Variants in RCC1L observed in about 807,000 individuals in gnomAD.
RCC1L encodes the protein RCC1 like, also known as RCC1-like G exchanging factor-like protein.
In RCC1L, 46 loss-of-function variants were observed where a neutral mutation model predicts 58.6. That is an observed-to-expected ratio of 0.79 (90% confidence interval 0.62 to 1.00). RCC1L has a LOEUF of 1.00. Among genes scored for constraint, RCC1L ranks in the 50% least tolerant of loss-of-function variants. The pLI, the probability that RCC1L is intolerant of heterozygous loss-of-function variation, is 0.00. For missense variants in RCC1L, 636 were observed against 623.6 expected (o/e 1.02, Z -0.21); for synonymous variants, 281 against 262.9 (o/e 1.07, Z -0.67).
chr7:75,043,206 G>A, intron 10 of RCC1L, 97 bp from the exon 11 acceptor site: 4 of 1,341,744 alleles, frequency 3.0e-6, no homozygotes, highest in Admixed American at 1.8e-5. Flanking sequence ...CTCAGTAGGA[G>A]ACTCAGTAGG....
Position 75,042,846 on chromosome 7 carries a change from G to A in RCC1L, c.*186C>T. 1 of 1,450,932 alleles carries A rather than the reference G, an allele frequency of 6.9e-7. No individual in the cohort carries two copies. The highest frequency in any genetic ancestry group is 9.1e-7 in the Non-Finnish European group (1 of 1,098,150). The allele number at this position is 1,450,932 out of a possible 1,614,324, so 89.9% of individuals were successfully genotyped here. A position where few individuals can be genotyped will look rare whatever the true frequency, so the allele number is the denominator to read the frequency against. ...GTTCCGCAGGCCTCACCTGCAGCTGGAGAGGGACCTTGCCCTGATCCTCCT... is the reference window on the plus strand; with the variant it reads ...GTTCCGCAGGCCTCACCTGCAGCTGAAGAGGGACCTTGCCCTGATCCTCCT... On this transcript the variant is annotated 3_prime_UTR_variant, in exon 11 of 11. Coordinates refer to ENST00000610322, the MANE Select transcript of RCC1L (RefSeq NM_030798.5).
At chr7:75,058,380 CA>C (rs1554444192) in intron 7 of RCC1L, among the ~76,000 whole-genome samples, 1 of 151,726 alleles carries the variant, frequency 6.6e-6, no homozygotes, top group East Asian at 2.0e-4. Context: ...AGGCATGCAC[CA>C]CCACACCTGG....
At chr7:75,059,325 C>T (rs1172369262) in intron 6 of RCC1L, among the ~76,000 whole-genome samples, 2 of 149,416 alleles carry the variant, frequency 1.3e-5, no homozygotes, top group Non-Finnish European at 3.0e-5. Flanking sequence ...CGCAGTGGTG[C>T]GATCTCGGCT....
At chr7:75,069,685 C>T (rs782625233) in intron 2 of RCC1L, among the ~76,000 whole-genome samples, 3 of 152,042 alleles carry the variant, frequency 2.0e-5, no homozygotes, top group African/African-American at 7.2e-5. Context: ...CCTCAGCCTC[C>T]GAAGTAGCTG....
rs1806124975 is a variant in RCC1L, at chr7:75,057,669, G to A, written c.970-53C>T. The A allele has an allele frequency of 3.2e-6, 5 of 1,570,758 alleles. No individual in the cohort carries two copies. In the South Asian group the frequency reaches 5.6e-5, roughly 17 times the overall value. ...TAGGAAAGCAAGCCAGTAAGGACCGGGAAGTGTTCTGGTCTTAGGTACAGA... is the reference window on the plus strand; with the variant it reads ...TAGGAAAGCAAGCCAGTAAGGACCGAGAAGTGTTCTGGTCTTAGGTACAGA... On this transcript the variant is annotated intron_variant, in intron 7 of 10. Transcript: ENST00000610322.
At chr7:75,031,372 C>T (rs1805299979) in intron 10 of RCC1L, among the ~76,000 whole-genome samples, 1 of 152,192 alleles carries the variant, frequency 6.6e-6, no homozygotes, top group Non-Finnish European at 1.5e-5. Context: ...TATCCCTACC[C>T]CCCCGGGGCC....
exon 11 of RCC1L, chr7:75,028,051 GTCT>G: frequency 6.5e-7 from 1 of 1,534,380 alleles, no homozygotes; most frequent in African/African-American, 1.4e-5. Context: ...TGGGCCTGTT[GTCT>G]TGGCGCTGGC....
chr7:75,066,609 T>C, intron 3 of RCC1L, 55 bp downstream of exon 3: 1 of 1,603,262 alleles, frequency 6.2e-7, no homozygotes, highest in Non-Finnish European at 8.5e-7. Context: ...GAGGCTCCAG[T>C]TCACAGTGAA....
In RCC1L at chr7:75,058,261, G is replaced by C. The variant is rs1326735283; in HGVS notation, c.969+327C>G. On this transcript the variant is annotated intron_variant, in intron 7 of 10. Transcript: ENST00000610322. ...CTATTTGCTCTTTTTTTTCGAGACA[G>C]AGTCTTGCTCTGTCACCCAGGCTGG... 1.5e-5 allele frequency: 5 copies of C among 336,782 alleles called. No individual in the cohort carries two copies. In the Admixed American group the frequency reaches 2.2e-4, roughly 15 times the overall value. The allele number at this position is 336,782 out of a possible 1,614,324, so 20.9% of individuals were successfully genotyped here. A position where few individuals can be genotyped will look rare whatever the true frequency, so the allele number is the denominator to read the frequency against.
At chr7:75,036,055 T>C (rs1805424396) in intron 10 of RCC1L, among the ~76,000 whole-genome samples, 1 of 151,720 alleles carries the variant, frequency 6.6e-6, no homozygotes, top group Non-Finnish European at 1.5e-5. Flanking sequence ...ACAAGCAGGG[T>C]TGAGAATGAG....
chr7:75,063,220 C>T, intron 5 of RCC1L, 72 bp downstream of exon 5: 1 of 1,556,902 alleles, frequency 6.4e-7, no homozygotes, highest in Non-Finnish European at 8.9e-7. Context: ...TTTGCCATCA[C>T]CCTACCCAAA....
In RCC1L at chr7:75,070,714, T is replaced by C. The variant is rs1554445949; in HGVS notation, c.380A>G (p.Asp127Gly). ...GFTLLSSKTA[D>G]VTKVWGMGLN... ...TCCCATCCCCCAGACTTTCGTAACA[T>C]CCGCAGTCTTAGAGGACAGCAGTGT... Residue 127 changes from aspartate to glycine, a missense_variant, in exon 2 of 11, where the codon GAT becomes GGT. Transcript: ENST00000610322. 6.2e-7 allele frequency: 1 copy of C among 1,614,088 alleles called. No individual in the cohort carries two copies. The highest frequency in any genetic ancestry group is 1.1e-5 in the South Asian group (1 of 91,074).
At chr7:75,054,795 T>G (rs1806024112) in intron 9 of RCC1L, among the ~76,000 whole-genome samples, 1 of 149,210 alleles carries the variant, frequency 6.7e-6, no homozygotes, top group East Asian at 2.0e-4. Context: ...AAAAAAAGAA[T>G]TCATGAGACC....
chr7:75,072,161 CATATATATATATATATAT>C (rs1165938365), intron 1 of RCC1L, among the ~76,000 whole-genome samples: 1 of 46,366 alleles, frequency 2.2e-5, no homozygotes, highest in East Asian at 1.6e-3. Context: ...TATACATATA[CATATATATATATATATAT>C]ATATATATAT....
At chr7:75,027,177 C>T (rs1299491012) in exon 11 of RCC1L, 19 of 152,278 alleles carry the variant, frequency 1.2e-4, no homozygotes, top group African/African-American at 4.1e-4. Flanking sequence ...TTACAGAAGC[C>T]GATGGGTTCC....
intron 10 of RCC1L, among the ~76,000 whole-genome samples, chr7:75,036,116 CTT>C (rs33924314): frequency 1.8e-4 from 23 of 125,080 alleles, no homozygotes; most frequent in Admixed American, 1.7e-4. Context: ...CAAAGTCACT[CTT>C]TTTTTTTTTT....
At chr7:75,065,550 G>A (rs1485515491) in intron 3 of RCC1L, among the ~76,000 whole-genome samples, 1 of 127,708 alleles carries the variant, frequency 7.8e-6, no homozygotes, top group South Asian at 2.8e-4. Context: ...GCAAGACTCC[G>A]TCTCAGATAA....
chr7:75,062,255 A>AC (rs1375579670), intron 5 of RCC1L, among the ~76,000 whole-genome samples: 135,029 of 152,224 alleles, frequency 0.89, 59,996 homozygotes, highest in East Asian at 0.95. Flanking sequence ...ATGGTGGCTT[A>AC]ACCCATAATC....
At chr7:75,056,785 C>G (rs1323489477) in intron 8 of RCC1L, 1 of 1,442,848 alleles carries the variant, frequency 6.9e-7, no homozygotes, top group Non-Finnish European at 9.4e-7. Context: ...CCCTGTAATG[C>G]CATCTTCTAA....
Sources: allele counts gnomAD v4.1 joint callset (sites outside exome capture counted in the v4.1 genomes callset), GRCh38; gene constraint gnomAD v4.1.1; transcripts MANE v1.5; gene names NCBI Gene and HGNC (gene_info 2026-07-23, HGNC 2026-07-21).